Variants in CORO6 observed in about 807,000 individuals in gnomAD.
CORO6 encodes coronin 6, also known as coronin-6.
CORO6 carries 43 observed loss-of-function variants against 49.0 expected under a neutral mutation model. The observed-to-expected ratio is 0.88, with a 90% CI of 0.69 to 1.13. CORO6 has a LOEUF of 1.13. Ranked by LOEUF, CORO6 falls within the 50% of genes most tolerant of loss-of-function variation. The pLI is 0.00. For missense variants in CORO6, 650 were observed against 647.0 expected (o/e 1.00, Z -0.05); for synonymous variants, 233 against 256.5 (o/e 0.91, Z 0.88).
Position 29,617,609 on chromosome 17 carries a change from G to C in CORO6, c.644C>G (p.Ala215Gly), listed in dbSNP as rs755650930. The change falls in exon 6 of 11, where the codon GCG becomes GGG. Residue 215 changes from alanine (A) to glycine (G), a missense_variant. By Grantham distance (60) the Ala-to-Gly change is moderately conservative. Coordinates refer to ENST00000388767, the MANE Select transcript of CORO6 (RefSeq NM_032854.4). ...CATGGGCCTCATCCCCTCGTGGGCC[G>C]CAAACCTCTCCTGGGGGGAGGGGGA... ...RKGQVVAERF[A>G]AHEGMRPMRA... 1.5e-5 allele frequency: 24 copies of C among 1,595,672 alleles called. No homozygotes were observed. The highest frequency in any genetic ancestry group is 2.0e-5 in the Non-Finnish European group (24 of 1,172,824).
rs1009100712 is a variant in CORO6, at chr17:29,615,041, G to A, written c.*691C>T. ...TTTCTGAGAGAGGCAACGGCAGAGG[G>A]TTGGGGGCAGTGTGTGTGTATTTGT... is the stretch of plus-strand genomic sequence containing the variant. On this transcript the variant is annotated 3_prime_UTR_variant, in exon 11 of 11. Coordinates refer to ENST00000388767, the MANE Select transcript of CORO6 (RefSeq NM_032854.4). The A allele has an allele frequency of 6.6e-6, 1 of 152,278 alleles. No homozygotes were observed. Among genetic ancestry groups the A allele is most frequent in the Non-Finnish European group, 1.5e-5 (1 of 68,080 alleles). The allele number at this position is 152,278 out of a possible 1,614,324, so 9.4% of individuals were successfully genotyped here.
At chr17:29,618,252 G>A in intron 5 of CORO6, 1 of 1,306,156 alleles carries the variant, frequency 7.7e-7, no homozygotes, top group Non-Finnish European at 9.7e-7. Context: ...ACATGCACGC[G>A]GCCCACGCAC....
At position 29,619,696 on chromosome 17, in the gene CORO6, G is replaced by A. The variant is rs747479235; in HGVS notation, c.276C>T (p.His92=). ...APVLDIDWCP[H]NDNVIASASD... ...AGGCACTGGCGATAACGTTGTCATT[G>A]TGTGGACACCAGTCAATATCCAGCA... The change falls in exon 3 of 11, where the codon CAC becomes CAT. Residue 92 remains histidine (H), a synonymous_variant. Transcript: ENST00000388767. The A allele has an allele frequency of 6.2e-7, 1 of 1,613,554 alleles. No individual in the cohort carries two copies. The highest frequency in any genetic ancestry group is 8.5e-7 in the Non-Finnish European group (1 of 1,179,492).
At position 29,622,820 on chromosome 17, in the gene CORO6, G is replaced by T. The variant is rs374236088; in HGVS notation, c.-196C>A. The T allele has an allele frequency of 3.8e-6, 5 of 1,309,244 alleles. No homozygotes were observed. The highest frequency in any genetic ancestry group is 5.0e-6 in the Non-Finnish European group (5 of 993,382). 81.1% of individuals were successfully genotyped at this position (1,309,244 alleles called of 1,614,324 possible). A position where few individuals can be genotyped will look rare whatever the true frequency, so the allele number is the denominator to read the frequency against. ...GGGTGTCTGTAGTATCTGGGACCCGGGTGTCCAGCTCCGCACTCTGGCCGA... is the reference window on the plus strand; with the variant it reads ...GGGTGTCTGTAGTATCTGGGACCCGTGTGTCCAGCTCCGCACTCTGGCCGA... On this transcript the variant is annotated 5_prime_UTR_variant, in exon 1 of 11. Coordinates refer to ENST00000388767, the MANE Select transcript of CORO6 (RefSeq NM_032854.4).
chr17:29,616,008 G>A lies in CORO6; in HGVS notation c.1230C>T (p.Ile410=), dbSNP rs2034870139. The A allele has an allele frequency of 1.9e-6, 3 of 1,601,456 alleles. No homozygotes were observed. In the Admixed American group the frequency reaches 5.1e-5, roughly 27 times the overall value. The change falls in exon 10 of 11, where the codon ATC becomes ATT. Residue 410 remains isoleucine (I), a synonymous_variant. Coordinates refer to ENST00000388767, the MANE Select transcript of CORO6 (RefSeq NM_032854.4). The surrounding 1 kb of genome is among the most constrained non-coding windows in gnomAD (Gnocchi z 5.6). ...GGCCGGAGGGCGGGCGCACGTCCAG[G>A]ATGTTGCGCTTCGTGACCCGGAGCT... ...HRELRVTKRN[I]LDVRPPSGPR...
chr17:29,615,135 C>T lies in CORO6; in HGVS notation c.*597G>A, dbSNP rs2034786911. 6.6e-6 allele frequency: 1 copy of T among 152,230 alleles called. No homozygotes were observed. The highest frequency in any genetic ancestry group is 2.4e-5 in the African/African-American group (1 of 41,454). 9.4% of individuals were successfully genotyped at this position (152,230 alleles called of 1,614,324 possible). On this transcript the variant is annotated 3_prime_UTR_variant, in exon 11 of 11. Coordinates refer to ENST00000388767, the MANE Select transcript of CORO6 (RefSeq NM_032854.4). ...CGGGGGCTGCCGCGAGGAAGCAGCC[C>T]TCGCCCCTGTCGGTGGAAAGAAGGA...
In CORO6 at chr17:29,616,267, C is replaced by A; in HGVS notation, c.1062+12G>T. ...CTCGTAGCCCTGCCCAACCCTTCTC[C>A]CGGCCCCTCACCTTGCGGGGCACAG... is the stretch of plus-strand genomic sequence containing the variant. On this transcript the variant is annotated intron_variant, in intron 9 of 10. Transcript: ENST00000388767. The surrounding 1 kb of genome is among the most constrained non-coding windows in gnomAD (Gnocchi z 5.6). 6.2e-7 allele frequency: 1 copy of A among 1,611,498 alleles called. No homozygotes were observed. Among genetic ancestry groups the A allele is most frequent in the East Asian group, 2.2e-5 (1 of 44,850 alleles).
Position 29,619,641 on chromosome 17 carries a change from T to C in CORO6, c.321+10A>G, listed in dbSNP as rs2035205008. 6.2e-7 allele frequency: 1 copy of C among 1,613,006 alleles called. No individual in the cohort carries two copies. Among genetic ancestry groups the C allele is most frequent in the South Asian group, 1.1e-5 (1 of 91,028 alleles). On this transcript the variant is annotated intron_variant, in intron 3 of 10. Coordinates refer to ENST00000388767, the MANE Select transcript of CORO6 (RefSeq NM_032854.4). ...GCTCAACTGCCCAGCAGTAGCCACCTGGCTCCTACCATGATGGTGGTGTCG... is the reference window on the plus strand; with the variant it reads ...GCTCAACTGCCCAGCAGTAGCCACCCGGCTCCTACCATGATGGTGGTGTCG...
At chr17:29,619,525 G>C in intron 3 of CORO6, 126 bp downstream of exon 3, 1 of 924,328 alleles carries the variant, frequency 1.1e-6, no homozygotes, top group Admixed American at 2.1e-5. Flanking sequence ...CCAGGAGCTG[G>C]GCAGGGCAGG....
intron 5 of CORO6, chr17:29,618,199 C>A (rs1456843641): frequency 6.0e-6 from 8 of 1,330,088 alleles, no homozygotes; most frequent in Non-Finnish European, 6.7e-6. Context: ...TAGAGCGCCC[C>A]GGCGCCAGCC....
Position 29,621,522 on chromosome 17 carries a change from G to C in CORO6, c.-63-38C>G. On this transcript the variant is annotated intron_variant, in intron 1 of 10. Coordinates refer to ENST00000388767, the MANE Select transcript of CORO6 (RefSeq NM_032854.4). This position sits in a 1 kb window ranked among gnomAD's most constrained non-coding sequence, Gnocchi z 4.2. ...GGAGGAGTGGAGGGGTGGCTGATGA[G>C]AAGGGTTATGTGGTCAGGAGTCAGG... 6.5e-7 allele frequency: 1 copy of C among 1,527,048 alleles called. No homozygotes were observed. The allele number at this position is 1,527,048 out of a possible 1,614,324, so 94.6% of individuals were successfully genotyped here. A position where few individuals can be genotyped will look rare whatever the true frequency, so the allele number is the denominator to read the frequency against.
chr17:29,617,942 T>G, intron 5 of CORO6: 4 of 982,378 alleles, frequency 4.1e-6, no homozygotes, highest in Non-Finnish European at 5.7e-6. Context: ...GAATGGGAGC[T>G]CCCCGCTCCG....
At chr17:29,620,219 T>C (rs933881324) in intron 2 of CORO6, among the ~76,000 whole-genome samples, 1 of 152,254 alleles carries the variant, frequency 6.6e-6, no homozygotes, top group Non-Finnish European at 1.5e-5. Flanking sequence ...GAACCACTTT[T>C]ACCTTGGAAC....
In CORO6 at chr17:29,616,775, T is replaced by C. The variant is rs768816410; in HGVS notation, c.931A>G (p.Ser311Gly). ...CCCATGCCCCGCTGCGGCTCTTTGC[T>C]GCTGAACGTGTTCAGGTAGTGCACG... Reference protein sequence around the residue: ...PFVHYLNTFSSKEPQRGMGFM... With the variant: ...PFVHYLNTFSGKEPQRGMGFM... Residue 311 changes from serine to glycine, a missense_variant, in exon 8 of 11, where the codon AGC (serine) becomes GGC (glycine). Coordinates refer to ENST00000388767, the MANE Select transcript of CORO6 (RefSeq NM_032854.4). The surrounding 1 kb of genome is among the most constrained non-coding windows in gnomAD (Gnocchi z 5.6). The C allele has an allele frequency of 6.2e-7, 1 of 1,613,912 alleles. No homozygotes were observed. Among genetic ancestry groups the C allele is most frequent in the South Asian group, 1.1e-5 (1 of 91,078 alleles).
Position 29,622,838 on chromosome 17 carries a change from C to A in CORO6, c.-214G>T. 7.7e-7 allele frequency: 1 copy of A among 1,304,264 alleles called. No individual in the cohort carries two copies. The highest frequency in any genetic ancestry group is 1.0e-6 in the Non-Finnish European group (1 of 990,690). The allele number at this position is 1,304,264 out of a possible 1,614,324, so 80.8% of individuals were successfully genotyped here. ...GGACCCGGGTGTCCAGCTCCGCACT[C>A]TGGCCGATCCTGCGGCTCTCTAGAG... On this transcript the variant is annotated 5_prime_UTR_variant, in exon 1 of 11. An upstream open reading frame in the 5' UTR gains an earlier in-frame stop. Coordinates refer to ENST00000388767, the MANE Select transcript of CORO6 (RefSeq NM_032854.4).
At chr17:29,619,866 C>T in intron 2 of CORO6, 93 bp from the exon 3 acceptor site, 1 of 1,187,760 alleles carries the variant, frequency 8.4e-7, no homozygotes, top group Non-Finnish European at 1.2e-6. Context: ...TTCCTTATTA[C>T]CTATTTTCTC....
Position 29,622,791 on chromosome 17 carries a change from C to G in CORO6, c.-167G>C, listed in dbSNP as rs1212615320. ...AGGCTTCAGGGCGAAGGAGCCACCT[C>G]TCCGGGTGTCTGTAGTATCTGGGAC... is the stretch of plus-strand genomic sequence containing the variant. On this transcript the variant is annotated 5_prime_UTR_variant, in exon 1 of 11. Transcript: ENST00000388767. 7.6e-7 allele frequency: 1 copy of G among 1,316,386 alleles called. No homozygotes were observed. Among genetic ancestry groups the G allele is most frequent in the East Asian group, 5.2e-5 (1 of 19,220 alleles). The allele number at this position is 1,316,386 out of a possible 1,614,324, so 81.5% of individuals were successfully genotyped here. A position where few individuals can be genotyped will look rare whatever the true frequency, so the allele number is the denominator to read the frequency against.
rs764867863 is a variant in CORO6, at chr17:29,619,144, G to C, written c.367C>G (p.Pro123Ala). 8 of 1,613,652 alleles carry C rather than the reference G, an allele frequency of 5.0e-6. No individual in the cohort carries two copies. In the African/African-American group the frequency reaches 6.7e-5, roughly 13 times the overall value. Residue 123 changes from proline (P) to alanine (A), a missense_variant, in exon 4 of 11, where the codon CCT (proline) becomes GCT (alanine). Physicochemically the swap from Pro to Ala is conservative, Grantham distance 27. Transcript: ENST00000388767. ...GAGTGGCCCTCAAGTGTGATGATAG[G>C]TTCCGTAATGTTGCGCATGGGGGTA... ...DYTPMRNITEPIITLEGHSKR... is the reference protein window; with the variant it reads ...DYTPMRNITEAIITLEGHSKR...
In CORO6 at chr17:29,619,740, T is replaced by G; in HGVS notation, c.232A>C (p.Thr78Pro). 6.2e-7 allele frequency: 1 copy of G among 1,613,632 alleles called. No homozygotes were observed. The highest frequency in any genetic ancestry group is 8.5e-7 in the Non-Finnish European group (1 of 1,179,598). ...TCCAGCACAGGGGCAGTGTGCCCAG[T>G]GACCAGTGGGTAGTTCTTATCCACT... ...GRVDKNYPLV[T>P]GHTAPVLDID... Residue 78 changes from threonine (T) to proline (P), a missense_variant, in exon 3 of 11, where the codon ACT becomes CCT. Coordinates refer to ENST00000388767, the MANE Select transcript of CORO6 (RefSeq NM_032854.4).
Sources: allele counts gnomAD v4.1 joint callset (sites outside exome capture counted in the v4.1 genomes callset), GRCh38; gene constraint gnomAD v4.1.1; non-coding constraint Gnocchi (gnomAD v3.1); transcripts MANE v1.5; gene names NCBI Gene and HGNC (gene_info 2026-07-23, HGNC 2026-07-21).